The following STXBP5L variants were observed in gnomAD, a reference collection of about 807,000 sequenced individuals.
The protein encoded by STXBP5L is syntaxin binding protein 5L, also known as syntaxin-binding protein 5-like.
A neutral mutation model predicts 144.5 loss-of-function variants in STXBP5L; 65 were observed. The ratio of observed to expected loss-of-function variants is 0.45; its 90% CI spans 0.37 to 0.55. The LOEUF (loss-of-function observed/expected upper bound fraction) is 0.55. STXBP5L is among the 20% of genes least tolerant of loss of function. STXBP5L has a pLI of 0.00. For missense variants in STXBP5L, 1,298 were observed against 1,405.5 expected, an observed-to-expected ratio of 0.92 and a Z score of 1.22; for synonymous variants, 505 against 469.6, an observed-to-expected ratio of 1.08 and a Z score of -0.97.
At chr3:121,288,211 T>C (rs986795201) in intron 19 of STXBP5L, among the ~76,000 whole-genome samples, 1 of 152,226 alleles carries the variant, frequency 6.6e-6, no homozygotes, top group Non-Finnish European at 1.5e-5. Flanking sequence ...GGTGTACATG[T>C]ATGACATTTT....
At chr3:121,314,968 TAA>T (rs1240882917) in intron 19 of STXBP5L, among the ~76,000 whole-genome samples, 2 of 151,992 alleles carry the variant, frequency 1.3e-5, no homozygotes, top group East Asian at 3.9e-4. Flanking sequence ...TGGCAATCAT[TAA>T]AAAGTCAGGA....
At chr3:121,014,475 A>C (rs1056448867) in intron 3 of STXBP5L, among the ~76,000 whole-genome samples, 1 of 151,974 alleles carries the variant, frequency 6.6e-6, no homozygotes, top group Non-Finnish European at 1.5e-5. Context: ...GTAGTTCAAG[A>C]CTTATTTATC....
At chr3:121,313,192 C>CG (rs1416564174) in intron 19 of STXBP5L, among the ~76,000 whole-genome samples, 4 of 140,206 alleles carry the variant, frequency 2.9e-5, no homozygotes, top group Non-Finnish European at 6.2e-5. Context: ...ACCTCCCGGA[C>CG]GGGGCGGCCG....
At chr3:120,975,258 C>A (rs78629016) in intron 3 of STXBP5L, among the ~76,000 whole-genome samples, 1 of 151,922 alleles carries the variant, frequency 6.6e-6, no homozygotes, top group South Asian at 2.1e-4. Flanking sequence ...AGGTCCTTCA[C>A]GTCCCTTGTA....
chr3:121,198,227 AT>A (rs2047998882), intron 9 of STXBP5L, among the ~76,000 whole-genome samples: 2 of 152,172 alleles, frequency 1.3e-5, no homozygotes, highest in Admixed American at 1.3e-4. Flanking sequence ...TTTGATTTGC[AT>A]TTCTCTAATG....
In STXBP5L at chr3:121,184,104, G is replaced by GA. The variant is rs563801789; in HGVS notation, c.878-21812dup. On this transcript the variant is annotated intron_variant, in intron 9 of 26. Transcript: ENST00000471454. Reference sequence around the variant, plus strand: ...AAGGTAGATAAATCCATGAAGATGAGAAAAAAACAGTGCAAAAAGGCTGAA... The same window carrying GA: ...AAGGTAGATAAATCCATGAAGATGAGAAAAAAAACAGTGCAAAAAGGCTGAA... Among the ~76,000 whole-genome samples, 257 of 151,986 alleles carry GA rather than the reference G, an allele frequency of 1.7e-3. 3 individuals are homozygous for GA. Among genetic ancestry groups the GA allele is most frequent in the African/African-American group, 5.2e-3 (217 of 41,472 alleles).
At chr3:121,187,080 T>C (rs1251758501) in intron 9 of STXBP5L, among the ~76,000 whole-genome samples, 1 of 152,074 alleles carries the variant, frequency 6.6e-6, no homozygotes. Flanking sequence ...ACCCAAAGGA[T>C]AATAAAAGAT....
chr3:121,229,536 C>A lies in STXBP5L; in HGVS notation c.1112-4080C>A, dbSNP rs531733799. ...ATATCATTATTTAACAGATAACAAC[C>A]ATTTTATTTTTATTATTTTTCATTT... On this transcript the variant is annotated intron_variant, in intron 11 of 26. Coordinates refer to ENST00000471454, the MANE Select transcript of STXBP5L (RefSeq NM_001308330.2). 4.0e-4 allele frequency among the ~76,000 whole-genome samples: 61 copies of A among 151,862 alleles called. 1 individual carries two copies. The highest frequency in any genetic ancestry group is 7.9e-4 in the Non-Finnish European group (54 of 67,970).
At chr3:120,955,194 A>G (rs1008794316) in intron 3 of STXBP5L, among the ~76,000 whole-genome samples, 157 bp downstream of exon 3, 1 of 152,094 alleles carries the variant, frequency 6.6e-6, no homozygotes. Context: ...ATTTATTGGC[A>G]TATTTTTAAT....
intron 5 of STXBP5L, among the ~76,000 whole-genome samples, chr3:121,097,675 C>A (rs575556123): frequency 6.6e-6 from 1 of 152,164 alleles, no homozygotes; most frequent in Non-Finnish European, 1.5e-5. Flanking sequence ...TGAGATGAAC[C>A]GGGTACCTCA....
chr3:120,983,943 C>T (rs957512182), intron 3 of STXBP5L, among the ~76,000 whole-genome samples: 1 of 152,234 alleles, frequency 6.6e-6, no homozygotes, highest in Non-Finnish European at 1.5e-5. Context: ...TTTGAACCCT[C>T]CTTCCAGTCA....
intron 7 of STXBP5L, among the ~76,000 whole-genome samples, chr3:121,149,144 G>C (rs1440963859): frequency 6.6e-6 from 1 of 151,896 alleles, no homozygotes; most frequent in African/African-American, 2.4e-5. Flanking sequence ...GTCTTCTATT[G>C]TGTTTTTTAA....
chr3:120,989,291 T>C (rs1942603013), intron 3 of STXBP5L, among the ~76,000 whole-genome samples: 1 of 152,168 alleles, frequency 6.6e-6, no homozygotes, highest in Admixed American at 6.6e-5. Flanking sequence ...TCCTCATCAA[T>C]ATCTGTTGTT....
intron 9 of STXBP5L, among the ~76,000 whole-genome samples, chr3:121,176,166 A>G (rs1439721726): frequency 6.6e-6 from 1 of 152,034 alleles, no homozygotes; most frequent in Admixed American, 6.6e-5. Context: ...AGTGGGCATG[A>G]TATTGGTAGC....
chr3:121,178,611 T>TG (rs1485781712), intron 9 of STXBP5L, among the ~76,000 whole-genome samples: 1 of 152,144 alleles, frequency 6.6e-6, no homozygotes, highest in Non-Finnish European at 1.5e-5. Flanking sequence ...GAGTGTGAGA[T>TG]GGGGAGAATC....
At position 121,233,705 on chromosome 3, in the gene STXBP5L, C is replaced by T. The variant is rs745525073; in HGVS notation, c.1184+17C>T. 1.3e-6 allele frequency: 2 copies of T among 1,565,940 alleles called. No individual in the cohort carries two copies. The highest frequency in any genetic ancestry group is 4.5e-5 in the East Asian group (2 of 44,388). ...ACAAAGCAAGTAAGTTATCCATGTA[C>T]AGATTAACACTTTTAAACTCTATTT... is the stretch of plus-strand genomic sequence containing the variant. On this transcript the variant is annotated intron_variant, in intron 12 of 26. Transcript: ENST00000471454.
chr3:121,172,717 T>C (rs2046773457), intron 9 of STXBP5L, among the ~76,000 whole-genome samples: 1 of 152,188 alleles, frequency 6.6e-6, no homozygotes, highest in Non-Finnish European at 1.5e-5. Flanking sequence ...ATAGGAATGC[T>C]TTTACACTGT....
chr3:121,219,541 A>G (rs2048911201), intron 10 of STXBP5L, among the ~76,000 whole-genome samples: 1 of 152,082 alleles, frequency 6.6e-6, no homozygotes, highest in African/African-American at 2.4e-5. Flanking sequence ...CCAATCACCA[A>G]TTTGCTTACT....
intron 1 of STXBP5L, chr3:120,909,196 G>GCCGTATCA: frequency 5.8e-6 from 1 of 171,052 alleles, no homozygotes. Context: ...GTCTTGGTCT[G>GCCGTATCA]TTGAACTCTG....
Sources: allele counts gnomAD v4.1 joint callset (sites outside exome capture counted in the v4.1 genomes callset), GRCh38; gene constraint gnomAD v4.1.1; transcripts MANE v1.5; gene names NCBI Gene and HGNC (gene_info 2026-07-23, HGNC 2026-07-21).